Variants in IL1RAPL2 observed in about 807,000 individuals in gnomAD.
IL1RAPL2 encodes X-linked interleukin-1 receptor accessory protein-like 2.
A neutral mutation model predicts 44.1 loss-of-function variants in IL1RAPL2; 3 were observed. The ratio of observed to expected loss-of-function variants is 0.07; its 90% CI spans 0.03 to 0.18. The LOEUF (loss-of-function observed/expected upper bound fraction) is 0.18, where lower values mean the gene tolerates loss of function less well. Ranked by LOEUF, IL1RAPL2 falls within the 10% of genes least tolerant of loss-of-function variation. The probability of loss-of-function intolerance (pLI) is 1.00; values close to 1 mark genes in which losing one functional copy is unlikely to be tolerated. For synonymous variants in IL1RAPL2, 181 were observed against 178.8 expected (o/e 1.01, Z -0.10); for missense variants, 391 against 496.4 (o/e 0.79, Z 2.02).
Position 105,313,763 on chromosome X carries a change from G to A in IL1RAPL2, c.697+46222G>A, listed in dbSNP as rs143940425. 8.6e-3 allele frequency among the ~76,000 whole-genome samples: 963 copies of A among 111,368 alleles called. 14 individuals are homozygous for A. Among genetic ancestry groups the A allele is most frequent in the African/African-American group, 0.029 (887 of 30,704 alleles). ...GACATGTGAATGTAGATGATTTACT[G>A]TACAGTTTAATAACATAACTGCTTT... On this transcript the variant is annotated intron_variant, in intron 5 of 10. Coordinates refer to ENST00000372582, the MANE Select transcript of IL1RAPL2 (RefSeq NM_017416.2).
At chrX:105,578,264 T>C (rs958585452) in intron 6 of IL1RAPL2, among the ~76,000 whole-genome samples, 1 of 111,007 alleles carries the variant, frequency 9.0e-6, no homozygotes, top group African/African-American at 3.3e-5. Flanking sequence ...TGGGGATAGT[T>C]TGTAAAACAA....
intron 2 of IL1RAPL2, among the ~76,000 whole-genome samples, chrX:104,934,243 G>GTTTTTT (rs1924976834): frequency 9.4e-6 from 1 of 106,421 alleles, no homozygotes; most frequent in African/African-American, 3.4e-5. Context: ...TTTGCATTCC[G>GTTTTTT]TTTCTGGGGT....
intron 5 of IL1RAPL2, among the ~76,000 whole-genome samples, chrX:105,447,108 A>ATATATATATAT (rs2035963967): frequency 2.4e-4 from 5 of 20,583 alleles, no homozygotes; most frequent in African/African-American, 1.2e-3. Flanking sequence ...TATATATATA[A>ATATATATATAT]AAATATATAT....
intron 6 of IL1RAPL2, among the ~76,000 whole-genome samples, chrX:105,491,341 A>G (rs2036316961): frequency 8.9e-6 from 1 of 112,203 alleles, no homozygotes; most frequent in Non-Finnish European, 1.9e-5. Context: ...TGTTAATGCA[A>G]ATAGTAATAC....
At chrX:104,905,199 A>T in intron 2 of IL1RAPL2, among the ~76,000 whole-genome samples, 1 of 111,609 alleles carries the variant, frequency 9.0e-6, no homozygotes, top group Non-Finnish European at 1.9e-5. Flanking sequence ...GATTCTGGAT[A>T]TTAGTCCTTT....
At chrX:105,035,447 T>TA (rs1232451070) in intron 2 of IL1RAPL2, among the ~76,000 whole-genome samples, 2 of 112,421 alleles carry the variant, frequency 1.8e-5, no homozygotes, top group East Asian at 5.6e-4. Context: ...GTGACACATC[T>TA]AATTATTCAC....
intron 2 of IL1RAPL2, among the ~76,000 whole-genome samples, chrX:105,083,838 C>T (rs747173383): frequency 8.9e-6 from 1 of 111,987 alleles, no homozygotes; most frequent in African/African-American, 3.2e-5. Flanking sequence ...AAAAGAAGAC[C>T]GGTACCAGCC....
intron 2 of IL1RAPL2, among the ~76,000 whole-genome samples, chrX:104,695,908 A>G (rs980125362): frequency 1.8e-5 from 2 of 111,068 alleles, no homozygotes; most frequent in Non-Finnish European, 3.8e-5. Flanking sequence ...CCCGGGTTCA[A>G]ATGATTCTCC....
chrX:105,756,289 C>T (rs993565096), intron 10 of IL1RAPL2, among the ~76,000 whole-genome samples: 2 of 111,575 alleles, frequency 1.8e-5, no homozygotes, highest in African/African-American at 3.3e-5. Flanking sequence ...CCCTGTGTTG[C>T]GAGAGAGTAG....
chrX:105,294,294 G>T (rs1017026697), intron 5 of IL1RAPL2, among the ~76,000 whole-genome samples: 1 of 112,334 alleles, frequency 8.9e-6, no homozygotes, highest in Admixed American at 9.4e-5. Context: ...TAATATAATG[G>T]GACTTCCCAT....
chrX:105,431,461 T>C (rs2147750976), intron 5 of IL1RAPL2, among the ~76,000 whole-genome samples: 1 of 111,617 alleles, frequency 9.0e-6, no homozygotes, highest in Non-Finnish European at 1.9e-5. Context: ...CCCTTATAGG[T>C]ATTCTCCAGG....
At chrX:105,119,304 A>G (rs760923852) in intron 2 of IL1RAPL2, among the ~76,000 whole-genome samples, 2 of 111,548 alleles carry the variant, frequency 1.8e-5, no homozygotes, top group East Asian at 5.7e-4. Flanking sequence ...AGTTAAGCCT[A>G]GTAAAGGAGA....
rs772432400 is a variant in IL1RAPL2, at chrX:105,001,672, A to C, written c.83-193803A>C. ...CTTTCTAAGGGAGGAAACCAAAGCA[A>C]AGGCATTAGGAGAGTGTTGATTCTT... On this transcript the variant is annotated intron_variant, in intron 2 of 10. Coordinates refer to ENST00000372582, the MANE Select transcript of IL1RAPL2 (RefSeq NM_017416.2). Among the ~76,000 whole-genome samples, 90 of 111,663 alleles carry C rather than the reference A, an allele frequency of 8.1e-4. 1 individual carries two copies. Among genetic ancestry groups the C allele is most frequent in the African/African-American group, 2.9e-3 (89 of 30,834 alleles).
At chrX:105,197,701 C>T (rs2033683385) in intron 3 of IL1RAPL2, among the ~76,000 whole-genome samples, 1 of 111,296 alleles carries the variant, frequency 9.0e-6, no homozygotes, top group Non-Finnish European at 1.9e-5. Flanking sequence ...GATTTCTCTG[C>T]ATTTTCTTAG....
chrX:105,374,115 CAA>C (rs1177602549), intron 5 of IL1RAPL2, among the ~76,000 whole-genome samples: 679 of 45,331 alleles, frequency 0.015, 12 homozygotes, highest in African/African-American at 0.033. Context: ...GCAAGACTGT[CAA>C]AAAAAAAAAA....
intron 5 of IL1RAPL2, among the ~76,000 whole-genome samples, chrX:105,461,800 T>A (rs2147766760): frequency 9.0e-6 from 1 of 111,188 alleles, no homozygotes; most frequent in South Asian, 3.7e-4. Flanking sequence ...GGTATGCAAA[T>A]GCTTAATGTG....
At chrX:105,030,826 C>T (rs992069158) in intron 2 of IL1RAPL2, among the ~76,000 whole-genome samples, 2 of 111,723 alleles carry the variant, frequency 1.8e-5, no homozygotes, top group African/African-American at 6.5e-5. Context: ...CTATAAATTA[C>T]CTTGGGCAGT....
chrX:105,120,750 C>T (rs763077553), intron 2 of IL1RAPL2, among the ~76,000 whole-genome samples: 57 of 112,105 alleles, frequency 5.1e-4, no homozygotes, highest in Non-Finnish European at 9.4e-4. Context: ...TCCAGTGATG[C>T]ATACCGTGTC....
At chrX:104,656,896 T>C (rs966674869) in intron 1 of IL1RAPL2, among the ~76,000 whole-genome samples, 1 of 111,697 alleles carries the variant, frequency 9.0e-6, no homozygotes, top group African/African-American at 3.3e-5. Flanking sequence ...TGGTTAGCTC[T>C]TCTTGTTGAA....
Sources: allele counts gnomAD v4.1 joint callset (sites outside exome capture counted in the v4.1 genomes callset), GRCh38; gene constraint gnomAD v4.1.1; transcripts MANE v1.5; gene names NCBI Gene and HGNC (gene_info 2026-07-23, HGNC 2026-07-21).